Variants in SORCS1 observed in about 807,000 individuals in gnomAD.
SORCS1 encodes the protein sortilin related VPS10 domain containing receptor 1.
A neutral mutation model predicts 146.1 loss-of-function variants in SORCS1; 60 were observed. The ratio of observed to expected loss-of-function variants is 0.41; its 90% CI spans 0.33 to 0.51. The LOEUF is 0.51. Ranked by LOEUF, SORCS1 falls within the 20% of genes least tolerant of loss-of-function variation. SORCS1 has a pLI of 0.21. For synonymous variants in SORCS1, 637 were observed against 584.0 expected (o/e 1.09, Z -1.31); for missense variants, 1,352 against 1,487.6 (o/e 0.91, Z 1.50).
At chr10:106,750,020 G>C (rs994760115) in intron 5 of SORCS1, among the ~76,000 whole-genome samples, 1 of 152,126 alleles carries the variant, frequency 6.6e-6, no homozygotes, top group African/African-American at 2.4e-5. Flanking sequence ...ATTCAAAATC[G>C]ATGATTGAAT....
chr10:106,870,996 CAA>C (rs913085030), intron 2 of SORCS1, among the ~76,000 whole-genome samples: 8 of 152,166 alleles, frequency 5.3e-5, no homozygotes, highest in African/African-American at 1.4e-4. Flanking sequence ...GAAACTTAAA[CAA>C]GTGTATATAA....
intron 1 of SORCS1, among the ~76,000 whole-genome samples, chr10:107,005,049 G>A (rs999280537): frequency 6.6e-6 from 1 of 152,116 alleles, no homozygotes; most frequent in Non-Finnish European, 1.5e-5. Flanking sequence ...TAAGAGCCCC[G>A]GGGTGGTCAC....
chr10:106,631,399 T>G (rs879405876), intron 18 of SORCS1, among the ~76,000 whole-genome samples: 1 of 152,246 alleles, frequency 6.6e-6, no homozygotes, highest in African/African-American at 2.4e-5. Context: ...CAAAGTGGAC[T>G]GATCAACTTC....
intron 25 of SORCS1, chr10:106,578,696 A>G (rs1844710702): frequency 1.9e-6 from 2 of 1,050,340 alleles, no homozygotes; most frequent in Non-Finnish European, 2.3e-6. Flanking sequence ...GTTTCATTCT[A>G]GTCAATACAT....
At chr10:106,656,422 G>C (rs1014964845) in intron 17 of SORCS1, among the ~76,000 whole-genome samples, 1 of 152,174 alleles carries the variant, frequency 6.6e-6, no homozygotes, top group African/African-American at 2.4e-5. Flanking sequence ...TTGCTGGCGG[G>C]CGCCTGTAGT....
At chr10:107,067,066 TG>T (rs1961942899) in intron 1 of SORCS1, among the ~76,000 whole-genome samples, 1 of 152,082 alleles carries the variant, frequency 6.6e-6, no homozygotes, top group Non-Finnish European at 1.5e-5. Context: ...AAGGTAGCAT[TG>T]TTTTATGGGA....
At chr10:106,903,130 T>C (rs933266875) in intron 2 of SORCS1, among the ~76,000 whole-genome samples, 10 of 152,172 alleles carry the variant, frequency 6.6e-5, no homozygotes, top group Admixed American at 2.6e-4. Context: ...ATTTATGTAG[T>C]GCTCTCTTTG....
At chr10:106,790,956 C>T (rs1308277455) in intron 3 of SORCS1, among the ~76,000 whole-genome samples, 4 of 152,178 alleles carry the variant, frequency 2.6e-5, no homozygotes, top group African/African-American at 9.7e-5. Context: ...AAAACGTACT[C>T]AGAATAAAAG....
chr10:106,818,654 A>G (rs1947863654), intron 3 of SORCS1, among the ~76,000 whole-genome samples: 1 of 152,154 alleles, frequency 6.6e-6, no homozygotes. Flanking sequence ...TCCAGCTGGA[A>G]TTTTTTAGGG....
At chr10:106,839,287 C>A (rs1228082212) in intron 2 of SORCS1, among the ~76,000 whole-genome samples, 1 of 152,162 alleles carries the variant, frequency 6.6e-6, no homozygotes, top group African/African-American at 2.4e-5. Flanking sequence ...AAGTGTTACT[C>A]CACTGCACAC....
chr10:106,891,410 G>A (rs941673446), intron 2 of SORCS1, among the ~76,000 whole-genome samples: 100 of 151,962 alleles, frequency 6.6e-4, no homozygotes, highest in African/African-American at 2.4e-3. Context: ...TATTGAGTAG[G>A]TATCAAATAT....
intron 3 of SORCS1, among the ~76,000 whole-genome samples, chr10:106,796,331 T>C (rs1946550895): frequency 6.6e-6 from 1 of 152,210 alleles, no homozygotes; most frequent in African/African-American, 2.4e-5. Flanking sequence ...AGCTTTAAAT[T>C]ATAGAAACTT....
At chr10:106,577,848 G>C in intron 25 of SORCS1, 1 of 273,782 alleles carries the variant, frequency 3.7e-6, no homozygotes. Context: ...TTATTACCTT[G>C]CCTCTCCAAA....
intron 1 of SORCS1, among the ~76,000 whole-genome samples, chr10:107,045,865 C>T (rs370181188): frequency 8.7e-5 from 13 of 149,238 alleles, no homozygotes; most frequent in African/African-American, 3.2e-4. Flanking sequence ...TGTACTACAA[C>T]TTTGAACGCC....
chr10:106,923,186 G>A (rs887706233), intron 2 of SORCS1, among the ~76,000 whole-genome samples: 1 of 152,216 alleles, frequency 6.6e-6, no homozygotes, highest in Non-Finnish European at 1.5e-5. Flanking sequence ...ACCAGGTCCG[G>A]CCAACCATGG....
intron 2 of SORCS1, among the ~76,000 whole-genome samples, chr10:106,918,638 CA>C (rs1030957105): frequency 6.6e-6 from 1 of 151,686 alleles, no homozygotes; most frequent in African/African-American, 2.4e-5. Flanking sequence ...GAGAGTGGGG[CA>C]GGGAATATTC....
At chr10:106,962,180 AC>A (rs1955256686) in intron 1 of SORCS1, among the ~76,000 whole-genome samples, 1 of 152,044 alleles carries the variant, frequency 6.6e-6, no homozygotes, top group African/African-American at 2.4e-5. Flanking sequence ...CAGGAGGATC[AC>A]CTGAGGTCGG....
chr10:106,977,557 CTAT>C (rs1186898451), intron 1 of SORCS1, among the ~76,000 whole-genome samples: 1 of 136,012 alleles, frequency 7.4e-6, no homozygotes, highest in African/African-American at 2.8e-5. Flanking sequence ...CAAATTACTT[CTAT>C]TATTTGTTTA....
intron 3 of SORCS1, among the ~76,000 whole-genome samples, chr10:106,801,143 A>T (rs1946848242): frequency 6.6e-6 from 1 of 152,198 alleles, no homozygotes; most frequent in Admixed American, 6.5e-5. Context: ...TATAATATGT[A>T]TTTAGAAATT....
Sources: gnomAD v4.1 joint callset for allele counts (sites outside exome capture counted in the v4.1 genomes callset) on GRCh38, gnomAD v4.1.1 for gene constraint, MANE v1.5 for transcripts, NCBI Gene and HGNC (gene_info 2026-07-23, HGNC 2026-07-21) for gene names.